The following NRG1 variants were observed in gnomAD, a reference collection of about 807,000 sequenced individuals.
NRG1 encodes the protein pro-neuregulin-1, membrane-bound isoform.
A neutral mutation model predicts 63.8 loss-of-function variants in NRG1; 18 were observed. That is an observed-to-expected ratio of 0.28 (90% CI 0.19 to 0.42). The LOEUF (loss-of-function observed/expected upper bound fraction) is 0.42. NRG1 is among the 10% of genes least tolerant of loss of function. The pLI is 1.00. For missense variants in NRG1, 762 were observed against 814.7 expected (o/e 0.94, Z 0.79); for synonymous variants, 302 against 301.3 (o/e 1.00, Z -0.02).
intron 5 of NRG1, among the ~76,000 whole-genome samples, chr8:32,707,679 GC>G (rs1816766559): frequency 6.6e-6 from 1 of 151,718 alleles, no homozygotes; most frequent in East Asian, 1.9e-4. Context: ...TGTGCACTCT[GC>G]AAACACATAA....
At chr8:31,920,892 A>G (rs762133765) in intron 1 of NRG1, among the ~76,000 whole-genome samples, 1 of 74,250 alleles carries the variant, frequency 1.3e-5, no homozygotes, top group African/African-American at 5.7e-5. Flanking sequence ...AGGTAGATAG[A>G]TAGATAGATA....
At chr8:32,579,312 A>G (rs878917588) in intron 1 of NRG1, among the ~76,000 whole-genome samples, 124 of 151,280 alleles carry the variant, frequency 8.2e-4, no homozygotes, top group Non-Finnish European at 6.6e-4. Flanking sequence ...CCTGAAACAC[A>G]ATGTACAAAA....
At position 32,188,224 on chromosome 8, in the gene NRG1, G is replaced by T. The variant is rs62497567; in HGVS notation, c.38-407604G>T. ...TGGGATTACAGGCATTCACCACCAT[G>T]TCCAGTTAATTTTTGTATTATTAGT... On this transcript the variant is annotated intron_variant, in intron 1 of 10. Transcript: ENST00000519301. Among the ~76,000 whole-genome samples the T allele has an allele frequency of 6.3e-3, 954 of 152,160 alleles. 6 individuals are homozygous for T. Among genetic ancestry groups the T allele is most frequent in the Middle Eastern group, 0.01 (3 of 294 alleles).
At chr8:32,626,634 C>T (rs1422540585) in intron 5 of NRG1, among the ~76,000 whole-genome samples, 4 of 150,738 alleles carry the variant, frequency 2.7e-5, no homozygotes, top group Non-Finnish European at 5.9e-5. Context: ...GAGCCAAAAT[C>T]GCGCCACTGC....
chr8:32,435,214 G>A (rs1008632745), intron 1 of NRG1, among the ~76,000 whole-genome samples: 1 of 152,126 alleles, frequency 6.6e-6, no homozygotes, highest in Non-Finnish European at 1.5e-5. Flanking sequence ...CTCTGGATCT[G>A]GAAGCTATCA....
intron 1 of NRG1, among the ~76,000 whole-genome samples, chr8:32,415,042 A>G (rs1815668403): frequency 1.3e-5 from 2 of 152,140 alleles, no homozygotes; most frequent in Admixed American, 6.6e-5. Context: ...TTGTGAGGGA[A>G]GCATTTGAAC....
At chr8:31,802,455 T>C (rs1821882580) in intron 1 of NRG1, among the ~76,000 whole-genome samples, 1 of 152,150 alleles carries the variant, frequency 6.6e-6, no homozygotes, top group Non-Finnish European at 1.5e-5. Flanking sequence ...AGGTATGAAA[T>C]TGAGAGTCAT....
intron 1 of NRG1, among the ~76,000 whole-genome samples, chr8:32,369,422 A>AAAACATATGT (rs1808512971): frequency 6.6e-6 from 1 of 152,222 alleles, no homozygotes; most frequent in Non-Finnish European, 1.5e-5. Context: ...ATAAAGGACA[A>AAAACATATGT]TTCTACTCTG....
intron 1 of NRG1, chr8:31,639,489 C>T: frequency 6.5e-7 from 1 of 1,530,294 alleles, no homozygotes; most frequent in Non-Finnish European, 8.7e-7. Flanking sequence ...CAGCGATTTC[C>T]AGGCACGCAA....
chr8:31,943,998 T>G (rs1802158178), intron 1 of NRG1, among the ~76,000 whole-genome samples: 1 of 152,250 alleles, frequency 6.6e-6, no homozygotes, highest in Non-Finnish European at 1.5e-5. Context: ...TACACATTCT[T>G]CAGTTGCAGC....
intron 1 of NRG1, among the ~76,000 whole-genome samples, chr8:32,200,215 T>A (rs1040690439): frequency 1.3e-5 from 2 of 152,246 alleles, no homozygotes; most frequent in Non-Finnish European, 2.9e-5. Context: ...TCTGGACTAA[T>A]GTTTCCTCTA....
intron 5 of NRG1, among the ~76,000 whole-genome samples, chr8:32,697,962 C>A (rs1339094426): frequency 6.6e-6 from 1 of 152,178 alleles, no homozygotes; most frequent in Non-Finnish European, 1.5e-5. Context: ...AATCCCAGCA[C>A]TTTGGGAGGC....
intron 1 of NRG1, among the ~76,000 whole-genome samples, chr8:32,135,666 A>G (rs1226663231): frequency 6.6e-6 from 1 of 151,988 alleles, no homozygotes; most frequent in Non-Finnish European, 1.5e-5. Flanking sequence ...TTTTTGAGAT[A>G]TCTTCTGAGT....
intron 1 of NRG1, among the ~76,000 whole-genome samples, chr8:32,108,216 A>G (rs1831531358): frequency 6.6e-6 from 1 of 152,190 alleles, no homozygotes; most frequent in Non-Finnish European, 1.5e-5. Context: ...CATTGCAGGT[A>G]GAATTAAAGT....
At chr8:32,007,678 C>T (rs117676722) in intron 1 of NRG1, among the ~76,000 whole-genome samples, 1,933 of 152,062 alleles carry the variant, frequency 0.013, 38 homozygotes, top group Middle Eastern at 0.014. Flanking sequence ...TTACACTGAG[C>T]TATGTCAATA....
At chr8:32,464,818 C>G (rs1191830124) in intron 1 of NRG1, among the ~76,000 whole-genome samples, 2 of 151,942 alleles carry the variant, frequency 1.3e-5, no homozygotes, top group African/African-American at 2.4e-5. Context: ...TATCAAAAGC[C>G]TTATCACAGG....
At chr8:31,675,935 A>G (rs1225978814) in intron 1 of NRG1, among the ~76,000 whole-genome samples, 2 of 152,200 alleles carry the variant, frequency 1.3e-5, no homozygotes, top group Non-Finnish European at 2.9e-5. Context: ...TCTCCAAAGC[A>G]ATAGTTGAAT....
intron 1 of NRG1, among the ~76,000 whole-genome samples, chr8:31,816,714 T>C (rs1347002113): frequency 6.6e-6 from 1 of 152,202 alleles, no homozygotes; most frequent in African/African-American, 2.4e-5. Context: ...GACTGGAATT[T>C]AGGGCTTCTG....
chr8:32,328,430 T>G (rs1382900024), intron 1 of NRG1, among the ~76,000 whole-genome samples: 1 of 141,314 alleles, frequency 7.1e-6, no homozygotes. Context: ...TTTAACATCT[T>G]TTTTTTTTTT....
Sources: allele counts gnomAD v4.1 joint callset (sites outside exome capture counted in the v4.1 genomes callset), GRCh38; gene constraint gnomAD v4.1.1; transcripts MANE v1.5; gene names NCBI Gene and HGNC (gene_info 2026-07-23, HGNC 2026-07-21).